The following ERAP1 variants were observed in gnomAD, a reference collection of about 807,000 sequenced individuals.
ERAP1 encodes the protein endoplasmic reticulum aminopeptidase 1, also known as adipocyte-derived leucine aminopeptidase.
Under a neutral mutation model 103.7 loss-of-function variants are expected in ERAP1, and 86 were observed. The ratio of observed to expected loss-of-function variants is 0.83; its 90% CI spans 0.70 to 0.99. The LOEUF (loss-of-function observed/expected upper bound fraction) is 0.99, where lower values mean the gene tolerates loss of function less well. Among genes scored for constraint, ERAP1 ranks in the 50% least tolerant of loss-of-function variants. The probability of loss-of-function intolerance (pLI) is 0.00; values close to 1 mark genes in which losing one functional copy is unlikely to be tolerated. For synonymous variants in ERAP1, 398 were observed against 402.4 expected, an observed-to-expected ratio of 0.99 and a Z score of 0.13; for missense variants, 1,009 against 1,128.4, an observed-to-expected ratio of 0.89 and a Z score of 1.52.
At chr5:96,891,701 G>A in the ERAP1 span, among the ~76,000 whole-genome samples, 1 of 151,826 alleles carries the variant, frequency 6.6e-6, no homozygotes, top group Non-Finnish European at 1.5e-5. Flanking sequence ...GTGTTGAAAA[G>A]GAAATTGAAG....
the ERAP1 span, chr5:96,879,840 C>T: frequency 1.2e-6 from 2 of 1,614,084 alleles, no homozygotes. Flanking sequence ...GATCCTGGGG[C>T]TTTCCCAGTA....
At chr5:96,807,424 G>A (rs1371526064) in intron 1 of ERAP1, among the ~76,000 whole-genome samples, 2 of 152,254 alleles carry the variant, frequency 1.3e-5, no homozygotes, top group East Asian at 3.9e-4. Context: ...GCCCCACCCC[G>A]CCTTTTGGCC....
chr5:96,935,415 C>G, the ERAP1 span: 3 of 152,300 alleles, frequency 2.0e-5, no homozygotes, highest in Non-Finnish European at 4.4e-5. Context: ...GCATCTCTGC[C>G]GAAAACACCT....
chr5:96,783,140 T>C lies in ERAP1; in HGVS notation c.2196A>G (p.Leu732=), dbSNP rs368497791. Reference sequence around the variant, plus strand: ...GATAGTTGTGCACACAGGCGAGGAGTAGTAGTTGACTCCGCAGCATTCGCT... The same window carrying C: ...GATAGTTGTGCACACAGGCGAGGAGCAGTAGTTGACTCCGCAGCATTCGCT... ...VSERMLRSQL[L]LLACVHNYQP... Residue 732 remains leucine (L), a synonymous_variant, in exon 15 of 19, where the codon CTA becomes CTG. Transcript: ENST00000443439. 6.2e-7 allele frequency: 1 copy of C among 1,613,916 alleles called. No individual in the cohort carries two copies. The highest frequency in any genetic ancestry group is 8.5e-7 in the Non-Finnish European group (1 of 1,179,984).
At chr5:96,887,942 A>G in the ERAP1 span, among the ~76,000 whole-genome samples, 1 of 152,090 alleles carries the variant, frequency 6.6e-6, no homozygotes, top group Non-Finnish European at 1.5e-5. Flanking sequence ...CCTGGCCAAC[A>G]TGGTGAAACC....
At chr5:96,846,103 A>G in the ERAP1 span, among the ~76,000 whole-genome samples, 1 of 152,238 alleles carries the variant, frequency 6.6e-6, no homozygotes, top group Non-Finnish European at 1.5e-5. Context: ...GGAGATCTCC[A>G]GGAACCTTGT....
At chr5:96,900,013 A>G in the ERAP1 span, 63,681 of 1,293,342 alleles carry the variant, frequency 0.049, 1,886 homozygotes, top group Middle Eastern at 0.1. Context: ...GTCTGGATGA[A>G]TTATTTCATA....
the ERAP1 span, among the ~76,000 whole-genome samples, chr5:96,823,779 AT>A: frequency 1.3e-5 from 2 of 152,040 alleles, no homozygotes; most frequent in African/African-American, 4.8e-5. Context: ...TCAACATACA[AT>A]TTTTTCCCTC....
the ERAP1 span, among the ~76,000 whole-genome samples, chr5:96,877,219 C>T: frequency 6.6e-6 from 1 of 152,172 alleles, no homozygotes; most frequent in Non-Finnish European, 1.5e-5. Context: ...AGGTGATCTG[C>T]CCACCTTGGC....
intron 18 of ERAP1, chr5:96,779,708 T>A (rs1774875327): frequency 6.5e-6 from 1 of 153,792 alleles, no homozygotes; most frequent in African/African-American, 2.4e-5. Flanking sequence ...ACCACAGAAC[T>A]CAATGGCCCA....
At chr5:96,891,253 CAA>C in the ERAP1 span, among the ~76,000 whole-genome samples, 1 of 151,634 alleles carries the variant, frequency 6.6e-6, no homozygotes, top group Non-Finnish European at 1.5e-5. Flanking sequence ...TAGCAGAACT[CAA>C]AGACTAAATA....
chr5:96,853,072 A>G, the ERAP1 span, among the ~76,000 whole-genome samples: 3 of 152,170 alleles, frequency 2.0e-5, no homozygotes, highest in African/African-American at 7.2e-5. Context: ...CTCCAGGGGC[A>G]GGCTTGGGAG....
Position 96,793,430 on chromosome 5 carries a change from A to T in ERAP1, c.1158T>A (p.Ser386=). The change falls in exon 7 of 19, where the codon TCT becomes TCA. Residue 386 remains serine, a synonymous_variant. Coordinates refer to ENST00000443439, the MANE Select transcript of ERAP1 (RefSeq NM_001040458.3). The stretch of plus-strand genomic sequence containing the variant: ...TCAGTTCAGGATGGGTCACACTGAC[A>T]GACACAAACTCCATAAATTTGGCAA... ...EGFAKFMEFV[S]VSVTHPELKV... is the part of the protein sequence containing the mutation. 6.2e-7 allele frequency: 1 copy of T among 1,613,866 alleles called. No homozygotes were observed. Among genetic ancestry groups the T allele is most frequent in the Non-Finnish European group, 8.5e-7 (1 of 1,179,804 alleles).
chr5:96,777,552 A>G (rs763743024), intron 18 of ERAP1, among the ~76,000 whole-genome samples: 1 of 151,968 alleles, frequency 6.6e-6, no homozygotes, highest in Non-Finnish European at 1.5e-5. Flanking sequence ...CAACTTTACA[A>G]TGAGCAGAAG....
the ERAP1 span, among the ~76,000 whole-genome samples, chr5:96,891,012 A>G: frequency 6.6e-6 from 1 of 152,192 alleles, no homozygotes; most frequent in Non-Finnish European, 1.5e-5. Flanking sequence ...CACTACTATA[A>G]AATCATCAAT....
intron 11 of ERAP1, among the ~76,000 whole-genome samples, chr5:96,786,950 A>C (rs1160361886): frequency 2.0e-5 from 3 of 152,206 alleles, no homozygotes; most frequent in Non-Finnish European, 4.4e-5. Flanking sequence ...AAACAGCAGA[A>C]AATCCAAACT....
chr5:96,907,558 A>T, the ERAP1 span, among the ~76,000 whole-genome samples: 2 of 145,364 alleles, frequency 1.4e-5, no homozygotes, highest in Admixed American at 1.4e-4. Flanking sequence ...GGGAAGGAGT[A>T]GCAACATTTT....
At chr5:96,907,429 ATAAAG>A in the ERAP1 span, among the ~76,000 whole-genome samples, 16 of 152,236 alleles carry the variant, frequency 1.1e-4, 1 homozygote, top group African/African-American at 3.1e-4. Context: ...CTGGCTTAAT[ATAAAG>A]TAGTTTTAAT....
At chr5:96,844,613 G>A in the ERAP1 span, among the ~76,000 whole-genome samples, 3 of 152,200 alleles carry the variant, frequency 2.0e-5, no homozygotes, top group South Asian at 4.1e-4. Context: ...AAATAGGAAC[G>A]TATTTTAGAA....
Sources: gnomAD v4.1 joint callset for allele counts (sites outside exome capture counted in the v4.1 genomes callset) on GRCh38, gnomAD v4.1.1 for gene constraint, MANE v1.5 for transcripts, NCBI Gene and HGNC (gene_info 2026-07-23, HGNC 2026-07-21) for gene names.